GPC5: variants seen among roughly 807,000 people sequenced by gnomAD.
GPC5 encodes the protein glypican 5, also known as glypican-5.
Under a neutral mutation model 53.9 loss-of-function variants are expected in GPC5, and 47 were observed. The ratio of observed to expected loss-of-function variants is 0.87; its 90% CI spans 0.69 to 1.11. GPC5 has a LOEUF of 1.11. Among genes scored for constraint, GPC5 ranks in the 50% most tolerant of loss-of-function variants. The pLI is 0.00. For missense variants in GPC5, 748 were observed against 713.1 expected (o/e 1.05, Z -0.56); for synonymous variants, 286 against 263.3 (o/e 1.09, Z -0.84).
intron 7 of GPC5, among the ~76,000 whole-genome samples, chr13:92,485,372 A>G (rs2139437997): frequency 6.6e-6 from 1 of 152,360 alleles, no homozygotes; most frequent in Admixed American, 6.5e-5. Flanking sequence ...CCAAAATAAT[A>G]GCCAGAGAAA....
intron 7 of GPC5, among the ~76,000 whole-genome samples, chr13:92,627,152 A>G (rs74107080): frequency 0.038 from 5,734 of 152,284 alleles, 165 homozygotes; most frequent in Admixed American, 0.1. Context: ...TTTTCATGCC[A>G]TAGAGCCAAA....
intron 7 of GPC5, among the ~76,000 whole-genome samples, chr13:92,554,253 C>T (rs2139019883): frequency 6.6e-6 from 1 of 151,914 alleles, no homozygotes; most frequent in Non-Finnish European, 1.5e-5. Flanking sequence ...TCAAAGTATC[C>T]TGCTGTGTAC....
At chr13:91,973,726 G>A (rs769499698) in intron 6 of GPC5, among the ~76,000 whole-genome samples, 13 of 152,158 alleles carry the variant, frequency 8.5e-5, no homozygotes, top group Non-Finnish European at 1.3e-4. Context: ...GTTTGCTAGA[G>A]GTCCACTCCT....
chr13:91,487,275 G>A (rs1883663363), intron 2 of GPC5, among the ~76,000 whole-genome samples: 1 of 152,170 alleles, frequency 6.6e-6, no homozygotes, highest in South Asian at 2.1e-4. Context: ...GGGAATGAAG[G>A]CAAATCTTTT....
At chr13:91,820,910 C>T (rs1020879962) in intron 5 of GPC5, among the ~76,000 whole-genome samples, 3 of 151,544 alleles carry the variant, frequency 2.0e-5, no homozygotes, top group Non-Finnish European at 4.4e-5. Flanking sequence ...TTGCAGTGAG[C>T]TGAGATCGTG....
intron 7 of GPC5, among the ~76,000 whole-genome samples, chr13:92,198,222 G>A (rs1417540116): frequency 6.6e-6 from 1 of 152,042 alleles, no homozygotes; most frequent in Admixed American, 6.6e-5. Context: ...TTACCTATTT[G>A]TATATGATAT....
At chr13:92,541,095 A>G (rs895256922) in intron 7 of GPC5, among the ~76,000 whole-genome samples, 9 of 151,870 alleles carry the variant, frequency 5.9e-5, no homozygotes, top group African/African-American at 2.2e-4. Flanking sequence ...AATGTTTATG[A>G]AGGTTATGGC....
intron 7 of GPC5, among the ~76,000 whole-genome samples, chr13:92,754,635 A>G (rs1210504648): frequency 6.6e-6 from 1 of 151,464 alleles, no homozygotes; most frequent in African/African-American, 2.4e-5. Context: ...ATGGAGGAAG[A>G]TCTACCAAGC....
At chr13:92,170,867 G>A (rs1333307172) in intron 7 of GPC5, among the ~76,000 whole-genome samples, 1 of 151,938 alleles carries the variant, frequency 6.6e-6, no homozygotes, top group Non-Finnish European at 1.5e-5. Flanking sequence ...CATTTTCCTT[G>A]GAAGTAGAAT....
At chr13:92,658,094 A>G (rs1886201154) in intron 7 of GPC5, among the ~76,000 whole-genome samples, 1 of 152,098 alleles carries the variant, frequency 6.6e-6, no homozygotes, top group African/African-American at 2.4e-5. Context: ...TACATCCTTC[A>G]TCAGATTGTC....
chr13:91,839,982 G>A (rs1267724893), intron 5 of GPC5, among the ~76,000 whole-genome samples: 3 of 151,782 alleles, frequency 2.0e-5, no homozygotes, highest in African/African-American at 7.3e-5. Context: ...TTATGCACTA[G>A]CAATGAGGAA....
chr13:92,095,470 C>T, intron 6 of GPC5, among the ~76,000 whole-genome samples: 1 of 152,106 alleles, frequency 6.6e-6, no homozygotes, highest in South Asian at 2.1e-4. Context: ...GTCTCAGCCT[C>T]CCTTGTAGCT....
At chr13:92,459,424 C>T (rs532256670) in intron 7 of GPC5, among the ~76,000 whole-genome samples, 1 of 152,172 alleles carries the variant, frequency 6.6e-6, no homozygotes, top group African/African-American at 2.4e-5. Context: ...TGTAGTCCAT[C>T]TGTTCATCAA....
At chr13:92,220,583 G>T (rs2042441555) in intron 7 of GPC5, among the ~76,000 whole-genome samples, 1 of 152,120 alleles carries the variant, frequency 6.6e-6, no homozygotes, top group East Asian at 1.9e-4. Context: ...ACAGGCAACA[G>T]GAAAGGCAAA....
chr13:92,842,515 G>C (rs1263760173), intron 7 of GPC5, among the ~76,000 whole-genome samples: 4 of 151,904 alleles, frequency 2.6e-5, no homozygotes, highest in Non-Finnish European at 5.9e-5. Flanking sequence ...CAGGTTACTA[G>C]GCATACAAAT....
chr13:92,672,980 C>T (rs1886800658), intron 7 of GPC5, among the ~76,000 whole-genome samples: 1 of 151,990 alleles, frequency 6.6e-6, no homozygotes. Flanking sequence ...CCACAAACCC[C>T]CATGACACAA....
At chr13:91,647,515 G>A (rs1004658375) in intron 2 of GPC5, among the ~76,000 whole-genome samples, 49 of 152,346 alleles carry the variant, frequency 3.2e-4, no homozygotes, top group Middle Eastern at 3.4e-3. Flanking sequence ...CATCATTTCT[G>A]CATTCCTCCT....
chr13:91,670,600 G>A (rs1484066202), intron 2 of GPC5, among the ~76,000 whole-genome samples: 1 of 152,124 alleles, frequency 6.6e-6, no homozygotes, highest in East Asian at 1.9e-4. Flanking sequence ...AAACGCTGGT[G>A]GCTGCAACAC....
intron 7 of GPC5, among the ~76,000 whole-genome samples, chr13:92,491,362 A>C (rs1304787083): frequency 6.6e-6 from 1 of 152,148 alleles, no homozygotes; most frequent in Non-Finnish European, 1.5e-5. Context: ...AATTCAGTCA[A>C]CTTTTTGACA....
Sources: gnomAD v4.1 joint callset for allele counts (sites outside exome capture counted in the v4.1 genomes callset) on GRCh38, gnomAD v4.1.1 for gene constraint, MANE v1.5 for transcripts, NCBI Gene and HGNC (gene_info 2026-07-23, HGNC 2026-07-21) for gene names.